Variants in FSTL5 observed in about 807,000 individuals in gnomAD.
FSTL5 encodes the protein follistatin-related protein 5.
Under a neutral mutation model 89.1 loss-of-function variants are expected in FSTL5, and 62 were observed. That is an observed-to-expected ratio of 0.70 (90% CI 0.57 to 0.86). The LOEUF is 0.86. Ranked by LOEUF, FSTL5 falls within the 40% of genes least tolerant of loss-of-function variation. FSTL5 has a pLI of 0.00. For missense variants in FSTL5, 1,057 were observed against 1,001.6 expected (o/e 1.06, Z -0.75); for synonymous variants, 383 against 346.2 (o/e 1.11, Z -1.18).
intron 2 of FSTL5, among the ~76,000 whole-genome samples, chr4:162,063,924 C>T (rs1465755402): frequency 6.6e-6 from 1 of 151,940 alleles, no homozygotes; most frequent in African/African-American, 2.4e-5. Flanking sequence ...GAGGCTTGTG[C>T]AAATTTTCTA....
intron 7 of FSTL5, among the ~76,000 whole-genome samples, chr4:161,595,970 T>C (rs1368462705): frequency 6.6e-6 from 1 of 152,020 alleles, no homozygotes; most frequent in Non-Finnish European, 1.5e-5. Flanking sequence ...TAACTTATTT[T>C]CAAATTCTGA....
intron 4 of FSTL5, among the ~76,000 whole-genome samples, chr4:161,786,365 A>G (rs937702391): frequency 2.0e-5 from 3 of 152,228 alleles, no homozygotes; most frequent in African/African-American, 7.2e-5. Context: ...CAACTCAATA[A>G]TAACATATAA....
At chr4:161,510,622 A>G (rs1730621369) in intron 10 of FSTL5, among the ~76,000 whole-genome samples, 198 bp from the exon 11 acceptor site, 1 of 151,844 alleles carries the variant, frequency 6.6e-6, no homozygotes, top group Non-Finnish European at 1.5e-5. Context: ...TGCTTTGTAC[A>G]TTTTTTGATA....
At chr4:162,109,547 G>T (rs1447067538) in intron 2 of FSTL5, among the ~76,000 whole-genome samples, 1 of 152,050 alleles carries the variant, frequency 6.6e-6, no homozygotes, top group Admixed American at 6.6e-5. Flanking sequence ...GTAGGTATTA[G>T]TGCTTCTCGA....
intron 1 of FSTL5, among the ~76,000 whole-genome samples, chr4:162,139,564 G>A (rs193175311): frequency 1.4e-4 from 21 of 152,074 alleles, no homozygotes; most frequent in African/African-American, 5.1e-4. Context: ...AGCAGACTTT[G>A]CACATAAATG....
At chr4:161,699,267 T>G (rs1460062606) in intron 6 of FSTL5, among the ~76,000 whole-genome samples, 1 of 152,226 alleles carries the variant, frequency 6.6e-6, no homozygotes, top group East Asian at 1.9e-4. Flanking sequence ...TCGTGCCTTT[T>G]TGTGAACCTA....
chr4:161,719,851 T>C (rs575707223), intron 6 of FSTL5, among the ~76,000 whole-genome samples: 1 of 152,308 alleles, frequency 6.6e-6, no homozygotes, highest in African/African-American at 2.4e-5. Flanking sequence ...ATTCTAACAA[T>C]GTTTTTGGGA....
intron 10 of FSTL5, among the ~76,000 whole-genome samples, chr4:161,534,064 C>G (rs557793028): frequency 6.6e-6 from 1 of 152,016 alleles, no homozygotes; most frequent in South Asian, 2.1e-4. Flanking sequence ...GAAGAGGCAT[C>G]AAAGGAACAT....
chr4:161,894,154 A>C (rs1733079412), intron 4 of FSTL5, among the ~76,000 whole-genome samples: 1 of 152,158 alleles, frequency 6.6e-6, no homozygotes, highest in Admixed American at 6.6e-5. Context: ...AGGAAATATA[A>C]GTCTTAGATG....
chr4:161,866,837 A>G (rs1732108320), intron 4 of FSTL5, among the ~76,000 whole-genome samples: 1 of 151,910 alleles, frequency 6.6e-6, no homozygotes, highest in Non-Finnish European at 1.5e-5. Context: ...ACCCATTTGG[A>G]ACTACATACC....
chr4:161,845,943 G>A (rs549429373), intron 4 of FSTL5, among the ~76,000 whole-genome samples: 35 of 152,092 alleles, frequency 2.3e-4, no homozygotes, highest in African/African-American at 8.4e-4. Context: ...CTATACAGGA[G>A]GCTGAGGCAG....
At chr4:162,129,318 A>G (rs1311674411) in intron 1 of FSTL5, among the ~76,000 whole-genome samples, 1 of 152,164 alleles carries the variant, frequency 6.6e-6, no homozygotes, top group Non-Finnish European at 1.5e-5. Flanking sequence ...CAAATATTAT[A>G]ATGATAACCT....
chr4:161,945,022 C>T (rs2110934624), intron 3 of FSTL5, among the ~76,000 whole-genome samples: 1 of 152,046 alleles, frequency 6.6e-6, no homozygotes, highest in African/African-American at 2.4e-5. Context: ...TACATGACAG[C>T]AGAAGATTCA....
chr4:161,738,170 G>A (rs753936015), intron 6 of FSTL5, among the ~76,000 whole-genome samples: 7 of 151,828 alleles, frequency 4.6e-5, no homozygotes, highest in African/African-American at 9.7e-5. Flanking sequence ...AATAAACTAC[G>A]TTTTCTGGGC....
At chr4:161,389,437 T>C (rs1730747517) in intron 15 of FSTL5, among the ~76,000 whole-genome samples, 1 of 152,160 alleles carries the variant, frequency 6.6e-6, no homozygotes, top group Non-Finnish European at 1.5e-5. Context: ...CAAATCATTT[T>C]CTCTTTCTGA....
chr4:161,775,844 T>C, intron 5 of FSTL5, 34 bp downstream of exon 5: 1 of 1,093,554 alleles, frequency 9.1e-7, no homozygotes, highest in South Asian at 2.1e-5. Flanking sequence ...ATGCTATATT[T>C]CAGTAAGTTT....
intron 7 of FSTL5, among the ~76,000 whole-genome samples, chr4:161,636,178 T>C (rs1222877596): frequency 6.6e-6 from 1 of 152,030 alleles, no homozygotes; most frequent in East Asian, 1.9e-4. Context: ...CTTCTAATAG[T>C]TTTAAATTTC....
chr4:161,520,992 T>A (rs1731001995), intron 10 of FSTL5, among the ~76,000 whole-genome samples: 1 of 152,208 alleles, frequency 6.6e-6, no homozygotes, highest in South Asian at 2.1e-4. Flanking sequence ...CCTTGGATAT[T>A]TTTTCCTTCT....
At chr4:161,832,342 A>C (rs895595821) in intron 4 of FSTL5, among the ~76,000 whole-genome samples, 1 of 151,978 alleles carries the variant, frequency 6.6e-6, no homozygotes, top group African/African-American at 2.4e-5. Context: ...GTTCATTATA[A>C]GTAAGAAATG....
Sources: allele counts gnomAD v4.1 joint callset (sites outside exome capture counted in the v4.1 genomes callset), GRCh38; gene constraint gnomAD v4.1.1; transcripts MANE v1.5; gene names NCBI Gene and HGNC (gene_info 2026-07-23, HGNC 2026-07-21).